URB1: variants seen among roughly 807,000 people sequenced by gnomAD.
URB1 encodes URB1 ribosome biogenesis factor, also known as nucleolar pre-ribosomal-associated protein 1.
Under a neutral mutation model 242.3 loss-of-function variants are expected in URB1, and 197 were observed. The ratio of observed to expected loss-of-function variants is 0.81; its 90% CI spans 0.72 to 0.91. The LOEUF is 0.91. Among genes scored for constraint, URB1 ranks in the 40% least tolerant of loss-of-function variants. The probability of loss-of-function intolerance (pLI) is 0.00; values close to 1 mark genes in which losing one functional copy is unlikely to be tolerated. For synonymous variants in URB1, 1,153 were observed against 1,201.8 expected (o/e 0.96, Z 0.84); for missense variants, 2,721 against 2,860.5 (o/e 0.95, Z 1.11).
intron 14 of URB1, 135 bp from the exon 15 acceptor site, chr21:32,357,791 G>GCCTC: frequency 1.6e-6 from 1 of 614,408 alleles, no homozygotes; most frequent in Non-Finnish European, 2.2e-6. Context: ...ACTTTGGGAG[G>GCCTC]CCAAAGTGGG....
In URB1 at chr21:32,319,236, C is replaced by T. The variant is rs62620710; in HGVS notation, c.5773G>A (p.Val1925Met). 28,587 of 1,550,270 alleles carry T rather than the reference C, an allele frequency of 0.018. 306 individuals carry two copies. Among genetic ancestry groups the T allele is most frequent in the Non-Finnish European group, 0.022 (25,187 of 1,146,476 alleles). The change falls in exon 36 of 39, where the codon GTG (valine) becomes ATG (methionine). Residue 1925 changes from valine (V) to methionine (M), a missense_variant. Coordinates refer to ENST00000382751, the MANE Select transcript of URB1 (RefSeq NM_014825.3). ...LVNEFLYVLI[V>M]LMKHLRPTLA... ...ACTCACCTCAGGTGCTTCATGAGCA[C>T]GATGAGAACATAAAGGAACTCATTG... is the stretch of plus-strand genomic sequence containing the variant.
In URB1 at chr21:32,337,083, C is replaced by T. The variant is rs778112721; in HGVS notation, c.4685+11G>A. 1.3e-6 allele frequency: 2 copies of T among 1,551,750 alleles called. No homozygotes were observed. On this transcript the variant is annotated intron_variant, in intron 28 of 38. Coordinates refer to ENST00000382751, the MANE Select transcript of URB1 (RefSeq NM_014825.3). ...CCTCAAGGCCTAGTCTACCTCTAGC[C>T]CAACACTCACCTGAAGTTGATGAGG...
At chr21:32,320,449 C>A (rs920226374) in intron 35 of URB1, 82 bp downstream of exon 35, 2 of 1,071,532 alleles carry the variant, frequency 1.9e-6, no homozygotes, top group South Asian at 1.4e-5. Flanking sequence ...TTCCAACCAA[C>A]AACAGAGCTG....
chr21:32,383,931 G>A (rs904132279), intron 3 of URB1, among the ~76,000 whole-genome samples: 26 of 152,094 alleles, frequency 1.7e-4, no homozygotes, highest in African/African-American at 5.3e-4. Context: ...TCCGTTCTGC[G>A]GTTATCCAGA....
At chr21:32,336,863 C>T (rs993464971) in intron 28 of URB1, among the ~76,000 whole-genome samples, 1 of 152,218 alleles carries the variant, frequency 6.6e-6, no homozygotes, top group African/African-American at 2.4e-5. Context: ...TCCAGACAGA[C>T]AGGCACCCAT....
chr21:32,343,072 C>A (rs1758025526), intron 24 of URB1, among the ~76,000 whole-genome samples: 1 of 152,030 alleles, frequency 6.6e-6, no homozygotes, highest in South Asian at 2.1e-4. Context: ...GCATAATATC[C>A]TATTAATATA....
At chr21:32,340,005 A>G (rs2033010433) in intron 25 of URB1, among the ~76,000 whole-genome samples, 1 of 152,158 alleles carries the variant, frequency 6.6e-6, no homozygotes, top group Non-Finnish European at 1.5e-5. Flanking sequence ...TTCAAAACCC[A>G]CTAAGGAAAG....
Position 32,322,577 on chromosome 21 carries a change from G to A in URB1, c.5241C>T (p.His1747=). 1 of 1,551,638 alleles carries A rather than the reference G, an allele frequency of 6.4e-7. No homozygotes were observed. ...GGAAGTTGCTGACCTTCAGGTACAT[G>A]TGCTCCTCTGAGAACACAGGCAGTC... The part of the protein sequence containing the change: ...AALQILKPEE[H]MYLKVSNFLL... Residue 1747 remains histidine, a synonymous_variant, in exon 33 of 39, where the codon CAC becomes CAT. Coordinates refer to ENST00000382751, the MANE Select transcript of URB1 (RefSeq NM_014825.3).
At chr21:32,323,357 G>C (rs547899685) in intron 32 of URB1, among the ~76,000 whole-genome samples, 1 of 152,298 alleles carries the variant, frequency 6.6e-6, no homozygotes, top group Admixed American at 6.5e-5. Context: ...TAGTGAGTAT[G>C]GGGGATACAG....
rs2033546765 is a variant in URB1, at chr21:32,383,297, T to C, written c.567+125A>G. 6 of 1,270,524 alleles carry C rather than the reference T, an allele frequency of 4.7e-6. No individual in the cohort carries two copies. The East Asian group carries it at 8.1e-5, about 17-fold the overall frequency. The allele number at this position is 1,270,524 out of a possible 1,614,324, so 78.7% of individuals were successfully genotyped here. A position where few individuals can be genotyped will look rare whatever the true frequency, so the allele number is the denominator to read the frequency against. ...GATCCTGTGGCTGCTGACACACACC[T>C]TTCTACATAGACACCTCTCATTTCA... On this transcript the variant is annotated intron_variant, in intron 4 of 38. Coordinates refer to ENST00000382751, the MANE Select transcript of URB1 (RefSeq NM_014825.3).
intron 4 of URB1, among the ~76,000 whole-genome samples, chr21:32,382,883 G>A (rs2033541964): frequency 6.6e-6 from 1 of 152,166 alleles, no homozygotes. Flanking sequence ...CAGGTTTCCT[G>A]AAAACCAACC....
intron 4 of URB1, among the ~76,000 whole-genome samples, chr21:32,378,791 A>G (rs2033489011): frequency 6.6e-6 from 1 of 152,198 alleles, no homozygotes; most frequent in African/African-American, 2.4e-5. Flanking sequence ...TCTCAATACA[A>G]AAGTATGGGT....
intron 21 of URB1, 124 bp from the exon 22 acceptor site, chr21:32,347,935 C>A: frequency 7.2e-7 from 1 of 1,388,740 alleles, no homozygotes; most frequent in Non-Finnish European, 9.5e-7. Flanking sequence ...TTTCCTAATC[C>A]ATTCCATCCT....
At chr21:32,334,456 A>G in intron 28 of URB1, 122 bp from the exon 29 acceptor site, 1 of 1,169,600 alleles carries the variant, frequency 8.5e-7, no homozygotes, top group Non-Finnish European at 1.2e-6. Context: ...TGTTCTGAGC[A>G]TGCGACGTGT....
chr21:32,316,787 G>T lies in URB1; in HGVS notation c.6313C>A (p.Leu2105Met). The T allele has an allele frequency of 6.5e-7, 1 of 1,548,504 alleles. No individual in the cohort carries two copies. Among genetic ancestry groups the T allele is most frequent in the Non-Finnish European group, 8.7e-7 (1 of 1,144,886 alleles). The change falls in exon 38 of 39, where the codon CTG (leucine) becomes ATG (methionine). Residue 2105 changes from leucine (L) to methionine (M), a missense_variant. Leu to Met is a conservative substitution (Grantham distance 15, BLOSUM62 2). Coordinates refer to ENST00000382751, the MANE Select transcript of URB1 (RefSeq NM_014825.3). Reference sequence around the variant, plus strand: ...AGCGGGTGCTCGGCCACCGACCGCAGCACCCAACTGACTGCCAGGGAAGCG... The same window carrying T: ...AGCGGGTGCTCGGCCACCGACCGCATCACCCAACTGACTGCCAGGGAAGCG... ...AAASLAVSWV[L>M]RSVAEHPLSR...
In URB1 at chr21:32,378,494, A is replaced by G; in HGVS notation, c.615T>C (p.Phe205=). ...RQAYVQFALS[F]LIAGDDSTIV... ...TAGTGCTGTCATCACCCGCAATTAA[A>G]AAGGAGAGAGCAAACTGAACGTAGG... The change falls in exon 5 of 39, where the codon TTT becomes TTC. Residue 205 remains phenylalanine, a synonymous_variant. Transcript: ENST00000382751. 6.4e-7 allele frequency: 1 copy of G among 1,551,720 alleles called. No homozygotes were observed. The highest frequency in any genetic ancestry group is 8.7e-7 in the Non-Finnish European group (1 of 1,147,008).
chr21:32,380,539 C>T (rs1052216893), intron 4 of URB1, among the ~76,000 whole-genome samples: 2 of 152,216 alleles, frequency 1.3e-5, no homozygotes, highest in Non-Finnish European at 2.9e-5. Flanking sequence ...TTTTATGAAA[C>T]ACTCATTCCA....
chr21:32,360,965 G>T, intron 13 of URB1, 42 bp downstream of exon 13: 2 of 1,418,984 alleles, frequency 1.4e-6, no homozygotes, highest in Non-Finnish European at 1.9e-6. Flanking sequence ...TGGTTTATTG[G>T]CAGCAACAGT....
chr21:32,387,407 G>A (rs576075292), intron 1 of URB1, among the ~76,000 whole-genome samples: 1 of 152,236 alleles, frequency 6.6e-6, no homozygotes, highest in African/African-American at 2.4e-5. Flanking sequence ...AACAGAGTGA[G>A]ACTCCGTCTC....
Sources: allele counts gnomAD v4.1 joint callset (sites outside exome capture counted in the v4.1 genomes callset), GRCh38; gene constraint gnomAD v4.1.1; transcripts MANE v1.5; gene names NCBI Gene and HGNC (gene_info 2026-07-23, HGNC 2026-07-21).